AGAP1: variants seen among roughly 807,000 people sequenced by gnomAD.
The protein encoded by AGAP1 is ArfGAP with GTPase domain, ankyrin repeat and PH domain 1.
AGAP1 carries 29 observed loss-of-function variants against 105.3 expected under a neutral mutation model. The ratio of observed to expected loss-of-function variants is 0.28; its 90% CI spans 0.21 to 0.38. The LOEUF (loss-of-function observed/expected upper bound fraction) is 0.38. Among genes scored for constraint, AGAP1 ranks in the 10% least tolerant of loss-of-function variants. The probability of loss-of-function intolerance (pLI) is 1.00; values close to 1 mark genes in which losing one functional copy is unlikely to be tolerated. For missense variants in AGAP1, 998 were observed against 1,165.1 expected, an observed-to-expected ratio of 0.86 and a Z score of 2.09; for synonymous variants, 509 against 485.9, an observed-to-expected ratio of 1.05 and a Z score of -0.63.
chr2:236,106,418 C>G (rs1433915795), intron 16 of AGAP1, among the ~76,000 whole-genome samples: 4 of 152,212 alleles, frequency 2.6e-5, no homozygotes, highest in Non-Finnish European at 4.4e-5. Flanking sequence ...GGCTCAGGAC[C>G]CCTGGGCGGG....
At chr2:235,628,410 G>A (rs762498922) in intron 1 of AGAP1, among the ~76,000 whole-genome samples, 3 of 152,180 alleles carry the variant, frequency 2.0e-5, no homozygotes, top group Admixed American at 6.5e-5. Flanking sequence ...GGGATCCAGG[G>A]ACCCAGGCAG....
At chr2:236,028,565 A>G (rs923540561) in intron 13 of AGAP1, among the ~76,000 whole-genome samples, 3 of 152,160 alleles carry the variant, frequency 2.0e-5, no homozygotes, top group African/African-American at 4.8e-5. Context: ...TTTTGTATTC[A>G]TCTTATATCT....
At chr2:235,779,870 T>C (rs1292483670) in intron 6 of AGAP1, among the ~76,000 whole-genome samples, 2 of 152,210 alleles carry the variant, frequency 1.3e-5, no homozygotes, top group African/African-American at 4.8e-5. Flanking sequence ...GGACCCCTGG[T>C]AGCTGCTTTG....
rs1194793360 is a variant in AGAP1, at chr2:235,689,122, C to G, written c.164-20057C>G. ...TTATAGAGCAATGAAGAAATAAGCCCAAGGCTATCCCATGAGTTAGGGGCT... is the reference window on the plus strand; with the variant it reads ...TTATAGAGCAATGAAGAAATAAGCCGAAGGCTATCCCATGAGTTAGGGGCT... On this transcript the variant is annotated intron_variant, in intron 1 of 17. Coordinates refer to ENST00000304032, the MANE Select transcript of AGAP1 (RefSeq NM_001037131.3). This position sits in a 1 kb window ranked among gnomAD's most constrained non-coding sequence, Gnocchi z 4.2. Among the ~76,000 whole-genome samples, 1 of 152,190 alleles carries G rather than the reference C, an allele frequency of 6.6e-6. No homozygotes were observed. The highest frequency in any genetic ancestry group is 1.5e-5 in the Non-Finnish European group (1 of 68,042).
At position 235,931,752 on chromosome 2, in the gene AGAP1, G is replaced by T. The variant is rs566036703; in HGVS notation, c.1483+829G>T. Among the ~76,000 whole-genome samples, 6 of 152,088 alleles carry T rather than the reference G, an allele frequency of 3.9e-5. No individual in the cohort carries two copies. The South Asian group carries it at 1.0e-3, about 26-fold the overall frequency. On this transcript the variant is annotated intron_variant, in intron 12 of 17. Transcript: ENST00000304032. The surrounding 1 kb of genome is among the most constrained non-coding windows in gnomAD (Gnocchi z 5.6). Reference sequence around the variant, plus strand: ...TGCTGCAGCAGGACGTTTGCTTTGGGTAAACATCATCCTTATTTCTAGTGG... The same window carrying T: ...TGCTGCAGCAGGACGTTTGCTTTGGTTAAACATCATCCTTATTTCTAGTGG...
chr2:235,926,761 T>C (rs978585097), intron 11 of AGAP1, among the ~76,000 whole-genome samples: 1 of 152,068 alleles, frequency 6.6e-6, no homozygotes, highest in African/African-American at 2.4e-5. Context: ...TGACCAGAGG[T>C]CAAGAGTGAG....
At position 235,961,076 on chromosome 2, in the gene AGAP1, T is replaced by G. The variant is rs1215872211; in HGVS notation, c.1484-7386T>G. On this transcript the variant is annotated intron_variant, in intron 12 of 17. Transcript: ENST00000304032. This position sits in a 1 kb window ranked among gnomAD's most constrained non-coding sequence, Gnocchi z 5.9. The stretch of plus-strand genomic sequence containing the variant: ...CATCCTGAATCTGTTTCAGGAAGGA[T>G]GTGTGCTGGTGAAGAGGATGAGCGA... 6.6e-6 allele frequency among the ~76,000 whole-genome samples: 1 copy of G among 152,040 alleles called. No homozygotes were observed. Among genetic ancestry groups the G allele is most frequent in the African/African-American group, 2.4e-5 (1 of 41,416 alleles).
Position 235,621,501 on chromosome 2 carries a change from C to T in AGAP1, c.164-87678C>T, listed in dbSNP as rs762681793. On this transcript the variant is annotated intron_variant, in intron 1 of 17. Transcript: ENST00000304032. This position sits in a 1 kb window ranked among gnomAD's most constrained non-coding sequence, Gnocchi z 4.1. Reference sequence around the variant, plus strand: ...GCACCATTCTTACCTCCTATACCTACGAGGCTGTCATGTGAATGTGTCAAG... The same window carrying T: ...GCACCATTCTTACCTCCTATACCTATGAGGCTGTCATGTGAATGTGTCAAG... Among the ~76,000 whole-genome samples the T allele has an allele frequency of 8.5e-5, 13 of 152,298 alleles. 1 individual carries two copies. The highest frequency in any genetic ancestry group is 2.6e-4 in the Admixed American group (4 of 15,298).
chr2:235,545,417 C>A (rs1053774625), intron 1 of AGAP1, among the ~76,000 whole-genome samples: 1 of 152,182 alleles, frequency 6.6e-6, no homozygotes, highest in African/African-American at 2.4e-5. Flanking sequence ...GGCGTGTGAG[C>A]CCTTACTTAG....
chr2:236,067,022 C>T (rs2058363081), intron 16 of AGAP1, among the ~76,000 whole-genome samples: 1 of 100,424 alleles, frequency 1.0e-5, no homozygotes, highest in South Asian at 4.7e-4. Flanking sequence ...CTTCACCAAC[C>T]AATTTTTTTT....
At chr2:235,591,874 C>G (rs1167800429) in intron 1 of AGAP1, among the ~76,000 whole-genome samples, 1 of 144,570 alleles carries the variant, frequency 6.9e-6, no homozygotes, top group African/African-American at 2.6e-5. Context: ...CCACTTCTCT[C>G]TTGCTCCTCT....
In AGAP1 at chr2:235,709,161, T is replaced by C. The variant is rs571251870; in HGVS notation, c.164-18T>C. The C allele has an allele frequency of 1.9e-6, 3 of 1,613,936 alleles. No individual in the cohort carries two copies. Among genetic ancestry groups the C allele is most frequent in the South Asian group, 1.1e-5 (1 of 91,082 alleles). ...ACGTGAGTTATGGTGTCTGACTTTG[T>C]GTCCTCCTCTTTTTCAGATGCCTTC... On this transcript the variant is annotated intron_variant, in intron 1 of 17. Coordinates refer to ENST00000304032, the MANE Select transcript of AGAP1 (RefSeq NM_001037131.3).
intron 1 of AGAP1, among the ~76,000 whole-genome samples, chr2:235,627,908 G>A (rs1946694568): frequency 2.0e-5 from 3 of 152,202 alleles, no homozygotes; most frequent in Admixed American, 2.0e-4. Flanking sequence ...CTCAATGGGA[G>A]GGAGGAAGAG....
intron 9 of AGAP1, among the ~76,000 whole-genome samples, chr2:235,857,816 G>C (rs2048751614): frequency 6.6e-6 from 1 of 152,200 alleles, no homozygotes; most frequent in African/African-American, 2.4e-5. Context: ...GAATTGACTG[G>C]GTATAAAGAG....
At chr2:235,912,901 A>G (rs1486531358) in intron 11 of AGAP1, among the ~76,000 whole-genome samples, 1 of 152,198 alleles carries the variant, frequency 6.6e-6, no homozygotes, top group Non-Finnish European at 1.5e-5. Flanking sequence ...AACAGCTCAC[A>G]TGTATTAGGT....
Position 236,113,771 on chromosome 2 carries a change from T to C in AGAP1, c.2115-6421T>C, listed in dbSNP as rs2059707723. ...GGCAGACCCCGAAAAATCCAGAGGG[T>C]TCACGGCTCCTGCAACCTACCCAGT... On this transcript the variant is annotated intron_variant, in intron 16 of 17. Transcript: ENST00000304032. The surrounding 1 kb of genome is among the most constrained non-coding windows in gnomAD (Gnocchi z 4.3). Among the ~76,000 whole-genome samples, 1 of 151,828 alleles carries C rather than the reference T, an allele frequency of 6.6e-6. No individual in the cohort carries two copies. The highest frequency in any genetic ancestry group is 2.4e-5 in the African/African-American group (1 of 41,304).
In AGAP1 at chr2:235,935,824, G is replaced by A. The variant is rs962287345; in HGVS notation, c.1483+4901G>A. On this transcript the variant is annotated intron_variant, in intron 12 of 17. Transcript: ENST00000304032. ...GTTAGCCACGAGTCAGCATCACTGTGGGTAGCAGGGGCCCTGGGGGGTCGT... is the reference window on the plus strand; with the variant it reads ...GTTAGCCACGAGTCAGCATCACTGTAGGTAGCAGGGGCCCTGGGGGGTCGT... Among the ~76,000 whole-genome samples the A allele has an allele frequency of 3.9e-5, 6 of 152,176 alleles. No homozygotes were observed. In the East Asian group the frequency reaches 1.2e-3, roughly 29 times the overall value.
rs558521612 is a variant in AGAP1, at chr2:235,957,380, T to C, written c.1484-11082T>C. ...ATTGTATTCCTTTCCTCCCCGTTTT[T>C]ATAACTCAGTCTAACACTGTGTTGT... On this transcript the variant is annotated intron_variant, in intron 12 of 17. Coordinates refer to ENST00000304032, the MANE Select transcript of AGAP1 (RefSeq NM_001037131.3). This position sits in a 1 kb window ranked among gnomAD's most constrained non-coding sequence, Gnocchi z 4.6. Among the ~76,000 whole-genome samples, 27 of 152,344 alleles carry C rather than the reference T, an allele frequency of 1.8e-4. No individual in the cohort carries two copies. The South Asian group carries it at 5.6e-3, about 32-fold the overall frequency.
intron 1 of AGAP1, among the ~76,000 whole-genome samples, chr2:235,693,366 T>A (rs1261222095): frequency 1.3e-5 from 2 of 152,094 alleles, no homozygotes; most frequent in Non-Finnish European, 2.9e-5. Context: ...TTGGACGTGT[T>A]CTGCCCTCCA....
Sources: gnomAD v4.1 joint callset for allele counts (sites outside exome capture counted in the v4.1 genomes callset) on GRCh38, gnomAD v4.1.1 for gene constraint, Gnocchi (gnomAD v3.1) non-coding constraint, MANE v1.5 for transcripts, NCBI Gene and HGNC (gene_info 2026-07-23, HGNC 2026-07-21) for gene names.